The following C22orf31 variants were observed in gnomAD, a reference collection of about 807,000 sequenced individuals.
C22orf31 encodes uncharacterized protein C22orf31.
Under a neutral mutation model 15.0 loss-of-function variants are expected in C22orf31, and 11 were observed. That is an observed-to-expected ratio of 0.73 (90% CI 0.46 to 1.21). The LOEUF is 1.21. C22orf31 is among the 50% of genes most tolerant of loss of function. The probability of loss-of-function intolerance (pLI) is 0.00; values close to 1 mark genes in which losing one functional copy is unlikely to be tolerated. For missense variants in C22orf31, 340 were observed against 347.2 expected, an observed-to-expected ratio of 0.98 and a Z score of 0.17; for synonymous variants, 132 against 133.3, an observed-to-expected ratio of 0.99 and a Z score of 0.07.
upstream of C22orf31, among the ~76,000 whole-genome samples, chr22:29,065,926 C>A (rs888474530): frequency 2.0e-5 from 3 of 152,186 alleles, no homozygotes; most frequent in Admixed American, 6.5e-5. Flanking sequence ...ATTTTCCACC[C>A]ATCATTTGGA....
intron 2 of C22orf31, chr22:29,059,936 C>T: frequency 1.0e-6 from 1 of 984,834 alleles, no homozygotes; most frequent in Non-Finnish European, 1.2e-6. Flanking sequence ...GGGCATTCTT[C>T]CACTCTGTCA....
chr22:29,071,313 G>C, the C22orf31 span, among the ~76,000 whole-genome samples: 1 of 152,218 alleles, frequency 6.6e-6, no homozygotes, highest in East Asian at 1.9e-4. Flanking sequence ...GCGCTGAGTC[G>C]TGTGGGTGGA....
chr22:29,064,671 A>G (rs2037416887), upstream of C22orf31, among the ~76,000 whole-genome samples: 1 of 108,090 alleles, frequency 9.3e-6, no homozygotes, highest in Non-Finnish European at 1.9e-5. Flanking sequence ...GTTTTTGCCC[A>G]GTGATTTTTT....
chr22:29,073,382 C>G, the C22orf31 span, among the ~76,000 whole-genome samples: 1 of 151,982 alleles, frequency 6.6e-6, no homozygotes, highest in South Asian at 2.1e-4. This position sits in a 1 kb window ranked among gnomAD's most constrained non-coding sequence, Gnocchi z 4.4. Context: ...CCGGGATGGT[C>G]CCTTCCTGGG....
the C22orf31 span, among the ~76,000 whole-genome samples, chr22:29,068,360 G>C: frequency 6.6e-6 from 1 of 151,290 alleles, no homozygotes; most frequent in Non-Finnish European, 1.5e-5. Context: ...AAAGTGCTGA[G>C]ATTACAGGCA....
chr22:29,068,913 C>T, the C22orf31 span, among the ~76,000 whole-genome samples: 8,280 of 151,780 alleles, frequency 0.055, 278 homozygotes, highest in East Asian at 0.12. Flanking sequence ...TACAGGCGCC[C>T]GCCACTACAC....
At chr22:29,061,698 A>T in intron 1 of C22orf31, 92 bp downstream of exon 1, 2 of 977,690 alleles carry the variant, frequency 2.0e-6, no homozygotes, top group Non-Finnish European at 1.5e-6. Context: ...ACCAACTAAG[A>T]GCAACAGAAC....
chr22:29,063,811 A>G (rs1241730370), upstream of C22orf31, among the ~76,000 whole-genome samples: 1 of 152,200 alleles, frequency 6.6e-6, no homozygotes, highest in East Asian at 1.9e-4. Flanking sequence ...TTGCTCAAGT[A>G]TCATGCCTCA....
chr22:29,059,205 AG>A, intron 2 of C22orf31, 23 bp from the exon 3 acceptor site: 1 of 1,543,664 alleles, frequency 6.5e-7, no homozygotes. Context: ...AAAGCAGAGA[AG>A]TCAAAGCTAA....
chr22:29,061,799 G>C lies in C22orf31; in HGVS notation c.-7C>G. The C allele has an allele frequency of 6.5e-7, 1 of 1,546,052 alleles. No individual in the cohort carries two copies. Among genetic ancestry groups the C allele is most frequent in the Non-Finnish European group, 8.9e-7 (1 of 1,129,710 alleles). ...AATAAAATCACCTTACCATATTTCA[G>C]TTGCCTTAAATTTTATTTTCGCTAG... On this transcript the variant is annotated 5_prime_UTR_variant, in exon 1 of 3. Coordinates refer to ENST00000216071, the MANE Select transcript of C22orf31 (RefSeq NM_015370.2).
the C22orf31 span, among the ~76,000 whole-genome samples, chr22:29,068,917 A>G: frequency 1.3e-5 from 2 of 151,818 alleles, no homozygotes; most frequent in South Asian, 4.2e-4. Flanking sequence ...GGCGCCCGCC[A>G]CTACACCTGG....
the C22orf31 span, among the ~76,000 whole-genome samples, chr22:29,067,102 G>A: frequency 2.6e-5 from 4 of 152,100 alleles, no homozygotes; most frequent in South Asian, 4.2e-4. Context: ...AAGGAAAATC[G>A]GGAATACAGA....
At chr22:29,064,750 A>T (rs2037418215), upstream of C22orf31, among the ~76,000 whole-genome samples, 1 of 122,322 alleles carries the variant, frequency 8.2e-6, no homozygotes, top group African/African-American at 3.1e-5. Context: ...TGTGTTGCTC[A>T]GCTTAGTCTG....
chr22:29,070,283 T>A, the C22orf31 span, among the ~76,000 whole-genome samples: 1 of 152,182 alleles, frequency 6.6e-6, no homozygotes, highest in Admixed American at 6.5e-5. Context: ...ACAAAGGACA[T>A]ACATTTTCAT....
the C22orf31 span, chr22:29,073,257 C>G: frequency 9.6e-7 from 1 of 1,039,932 alleles, no homozygotes; most frequent in East Asian, 3.8e-5. This position sits in a 1 kb window ranked among gnomAD's most constrained non-coding sequence, Gnocchi z 4.4. Flanking sequence ...CGCCGCCCGC[C>G]CTGAGCGGAG....
Position 29,058,701 on chromosome 22 carries a change from ATC to A in C22orf31, c.*39_*40del, listed in dbSNP as rs1569303246. On this transcript the variant is annotated 3_prime_UTR_variant, in exon 3 of 3. Transcript: ENST00000216071. ...GTGCAAAGTTGTGTTTATTTTTCAG[ATC>A]TCTAGCAGAGAATACTCTAATCCCA... 31 of 1,460,572 alleles carry A rather than the reference ATC, an allele frequency of 2.1e-5. No homozygotes were observed. The highest frequency in any genetic ancestry group is 2.4e-5 in the Non-Finnish European group (26 of 1,072,336). The allele number at this position is 1,460,572 out of a possible 1,614,324, so 90.5% of individuals were successfully genotyped here.
At chr22:29,060,356 G>T in intron 2 of C22orf31, 59 bp downstream of exon 2, 1 of 1,461,730 alleles carries the variant, frequency 6.8e-7, no homozygotes. Flanking sequence ...GTGTTCTCTG[G>T]CTTTACCTTT....
In C22orf31 at chr22:29,058,736, T is replaced by G. The variant is rs752959917; in HGVS notation, c.*6A>C. ...GAGAATACTCTAATCCCATGAGTTC[T>G]TGTTCCTATTTTTTGCTCTTTAACT... On this transcript the variant is annotated 3_prime_UTR_variant, in exon 3 of 3. Coordinates refer to ENST00000216071, the MANE Select transcript of C22orf31 (RefSeq NM_015370.2). The G allele has an allele frequency of 1.7e-5, 27 of 1,599,544 alleles. No homozygotes were observed. The Admixed American group carries it at 3.6e-4, about 22-fold the overall frequency.
upstream of C22orf31, among the ~76,000 whole-genome samples, chr22:29,065,389 C>T (rs944694269): frequency 7.3e-5 from 11 of 150,804 alleles, no homozygotes; most frequent in African/African-American, 2.7e-4. Context: ...GCTTGGGCAA[C>T]AAAGCAAGAC....
Sources: allele counts gnomAD v4.1 joint callset (sites outside exome capture counted in the v4.1 genomes callset), GRCh38; gene constraint gnomAD v4.1.1; non-coding constraint Gnocchi (gnomAD v3.1); transcripts MANE v1.5; gene names NCBI Gene and HGNC (gene_info 2026-07-23, HGNC 2026-07-21).